PREP: variants seen among roughly 807,000 people sequenced by gnomAD.
The protein encoded by PREP is prolyl endopeptidase.
A neutral mutation model predicts 87.6 loss-of-function variants in PREP; 29 were observed. That is an observed-to-expected ratio of 0.33 (90% CI 0.25 to 0.45). PREP has a LOEUF of 0.45. PREP is among the 20% of genes least tolerant of loss of function. The pLI is 1.00. For missense variants in PREP, 695 were observed against 886.5 expected, an observed-to-expected ratio of 0.78 and a Z score of 2.74; for synonymous variants, 337 against 328.6, an observed-to-expected ratio of 1.03 and a Z score of -0.28.
At chr6:105,293,450 A>G (rs1770342584) in intron 10 of PREP, among the ~76,000 whole-genome samples, 1 of 152,152 alleles carries the variant, frequency 6.6e-6, no homozygotes, top group Admixed American at 6.5e-5. Flanking sequence ...CTGATGAGGG[A>G]TCTCCATAAC....
At chr6:105,323,204 C>G in intron 10 of PREP, 1 of 1,076,152 alleles carries the variant, frequency 9.3e-7, no homozygotes, top group Non-Finnish European at 1.3e-6. Flanking sequence ...TTTATTCATT[C>G]AAATGTTTTA....
chr6:105,341,216 G>A lies in PREP; in HGVS notation c.824-7711C>T, dbSNP rs147390705. On this transcript the variant is annotated intron_variant, in intron 7 of 14. Coordinates refer to ENST00000652536, the MANE Select transcript of PREP (RefSeq NM_002726.5). Reference sequence around the variant, plus strand: ...CAGACCAAAGTGAAATCAAATTAGAGCTCAGGATTAAGAAACTCACTCAAA... The same window carrying A: ...CAGACCAAAGTGAAATCAAATTAGAACTCAGGATTAAGAAACTCACTCAAA... Among the ~76,000 whole-genome samples the A allele has an allele frequency of 4.0e-4, 61 of 152,260 alleles. 1 individual carries two copies. In the East Asian group the frequency reaches 9.4e-3, roughly 24 times the overall value.
Position 105,274,997 on chromosome 6 carries a change from A to T in PREP, c.*3147T>A, listed in dbSNP as rs779639738. On this transcript the variant is annotated 3_prime_UTR_variant, in exon 15 of 15. Transcript: ENST00000652536. ...GTCTCCTCCCTGGAATATCAACTGG[A>T]TGAGGGCAGGACATTTTCTCTCTGC... is the stretch of plus-strand genomic sequence containing the variant. 2.6e-5 allele frequency among the ~76,000 whole-genome samples: 4 copies of T among 152,216 alleles called. No individual in the cohort carries two copies. Among genetic ancestry groups the T allele is most frequent in the Non-Finnish European group, 5.9e-5 (4 of 68,038 alleles).
chr6:105,286,862 G>A (rs998536715), intron 11 of PREP, among the ~76,000 whole-genome samples: 5 of 186 alleles, frequency 0.027, no homozygotes, highest in Non-Finnish European at 0.039. Context: ...AAATGGCCCC[G>A]GGACTCATCT....
intron 8 of PREP, among the ~76,000 whole-genome samples, chr6:105,329,901 T>C (rs956721978): frequency 6.7e-6 from 1 of 149,936 alleles, no homozygotes; most frequent in Non-Finnish European, 1.5e-5. Context: ...AGTGCAGGAG[T>C]GTGGAGATGG....
At position 105,277,963 on chromosome 6, in the gene PREP, C is replaced by T. The variant is rs1006514171; in HGVS notation, c.*181G>A. 3 of 893,898 alleles carry T rather than the reference C, an allele frequency of 3.4e-6. No individual in the cohort carries two copies. The highest frequency in any genetic ancestry group is 5.1e-6 in the Non-Finnish European group (3 of 588,278). The allele number at this position is 893,898 out of a possible 1,614,324, so 55.4% of individuals were successfully genotyped here. A position where few individuals can be genotyped will look rare whatever the true frequency, so the allele number is the denominator to read the frequency against. ...AGGGTGGAAAAAGAAACACCAAGGC[C>T]TTGCTAAAAAGGAGAAGCCTAAAAA... On this transcript the variant is annotated 3_prime_UTR_variant, in exon 15 of 15. Transcript: ENST00000652536.
chr6:105,315,046 T>G (rs1231478065), intron 10 of PREP, among the ~76,000 whole-genome samples: 1 of 152,230 alleles, frequency 6.6e-6, no homozygotes, highest in Non-Finnish European at 1.5e-5. Flanking sequence ...TTCTAAGCAG[T>G]AGGTCTCAAC....
chr6:105,339,721 A>C (rs1390958751), intron 7 of PREP, among the ~76,000 whole-genome samples: 3 of 152,232 alleles, frequency 2.0e-5, no homozygotes, highest in Non-Finnish European at 4.4e-5. Context: ...AAACCATGGC[A>C]CAAGAACTAC....
intron 14 of PREP, among the ~76,000 whole-genome samples, chr6:105,280,419 C>CTCTT (rs1277646604): frequency 6.6e-6 from 1 of 152,154 alleles, no homozygotes; most frequent in African/African-American, 2.4e-5. Context: ...AAAAATAAAA[C>CTCTT]TCTTACATAT....
intron 11 of PREP, among the ~76,000 whole-genome samples, chr6:105,288,285 C>G (rs1770228533): frequency 1.3e-5 from 2 of 152,322 alleles, no homozygotes; most frequent in South Asian, 2.1e-4. Flanking sequence ...TCCTTCAATT[C>G]CTGGTCAACA....
rs1286948340 is a variant in PREP, at chr6:105,282,450, C to T, written c.1681+1G>A. Reference sequence around the variant, plus strand: ...TGCAATGAATAAAATCCAGTACTCACCCACTAAGAGGCCTCCATTTGAACC... The same window carrying T: ...TGCAATGAATAAAATCCAGTACTCATCCACTAAGAGGCCTCCATTTGAACC... On this transcript the variant is annotated splice_donor_variant, in intron 13 of 14. Coordinates refer to ENST00000652536, the MANE Select transcript of PREP (RefSeq NM_002726.5). LOFTEE classifies it high-confidence loss of function. 1 of 1,613,060 alleles carries T rather than the reference C, an allele frequency of 6.2e-7. No individual in the cohort carries two copies. The highest frequency in any genetic ancestry group is 2.2e-5 in the East Asian group (1 of 44,852).
At chr6:105,393,961 T>C (rs939917246) in intron 2 of PREP, among the ~76,000 whole-genome samples, 2 of 152,022 alleles carry the variant, frequency 1.3e-5, no homozygotes, top group Non-Finnish European at 2.9e-5. Context: ...AAATCCAGCA[T>C]GTATTTTATG....
At chr6:105,365,481 G>C (rs566072933) in intron 6 of PREP, among the ~76,000 whole-genome samples, 1 of 152,242 alleles carries the variant, frequency 6.6e-6, no homozygotes, top group South Asian at 2.1e-4. Flanking sequence ...GTGAAGACTT[G>C]GAACTGGACC....
chr6:105,389,594 G>A (rs1284428721), intron 2 of PREP, among the ~76,000 whole-genome samples: 1 of 152,128 alleles, frequency 6.6e-6, no homozygotes, highest in African/African-American at 2.4e-5. Context: ...TTTAACTGCT[G>A]GCTTTTGGCT....
chr6:105,336,985 A>G (rs1444718649), intron 7 of PREP, among the ~76,000 whole-genome samples: 1 of 151,920 alleles, frequency 6.6e-6, no homozygotes, highest in African/African-American at 2.4e-5. Flanking sequence ...TTTAATTTCC[A>G]GAAGTTCTAC....
At chr6:105,336,159 CT>C (rs1771470899) in intron 7 of PREP, among the ~76,000 whole-genome samples, 1 of 152,164 alleles carries the variant, frequency 6.6e-6, no homozygotes, top group African/African-American at 2.4e-5. Flanking sequence ...ACTTGAGAGG[CT>C]GAGGCAAGAG....
chr6:105,403,006 C>T lies in PREP; in HGVS notation c.-115G>A. The T allele has an allele frequency of 2.6e-6, 1 of 383,058 alleles. No individual in the cohort carries two copies. The highest frequency in any genetic ancestry group is 4.3e-6 in the Non-Finnish European group (1 of 232,492). The allele number at this position is 383,058 out of a possible 1,614,324, so 23.7% of individuals were successfully genotyped here. A position where few individuals can be genotyped will look rare whatever the true frequency, so the allele number is the denominator to read the frequency against. On this transcript the variant is annotated 5_prime_UTR_variant, in exon 1 of 15. Transcript: ENST00000652536. ...GCGCAGGCAGCTGCGGGGCGGCCGGCGGCAGCGGGCGGCCGGCTCACGGCC... is the reference window on the plus strand; with the variant it reads ...GCGCAGGCAGCTGCGGGGCGGCCGGTGGCAGCGGGCGGCCGGCTCACGGCC...
chr6:105,329,211 A>G (rs1168505897), intron 8 of PREP, among the ~76,000 whole-genome samples, 185 bp from the exon 9 acceptor site: 1 of 150,260 alleles, frequency 6.7e-6, no homozygotes, highest in Non-Finnish European at 1.5e-5. Flanking sequence ...TGAGTACAGT[A>G]GTGCAATCTC....
At chr6:105,376,375 T>C (rs1425225235) in intron 3 of PREP, 120 bp from the exon 4 acceptor site, 1 of 1,207,806 alleles carries the variant, frequency 8.3e-7, no homozygotes, top group African/African-American at 1.5e-5. Flanking sequence ...CACTGTAATC[T>C]GGCCATCGCA....
Sources: gnomAD v4.1 joint callset for allele counts (sites outside exome capture counted in the v4.1 genomes callset) on GRCh38, gnomAD v4.1.1 for gene constraint, MANE v1.5 for transcripts, NCBI Gene and HGNC (gene_info 2026-07-23, HGNC 2026-07-21) for gene names.